The following HRH1 variants were observed in gnomAD, a reference collection of about 807,000 sequenced individuals.
HRH1 encodes histamine receptor H1, also known as histamine H1 receptor.
A neutral mutation model predicts 10.3 loss-of-function variants in HRH1; 6 were observed. The ratio of observed to expected loss-of-function variants is 0.58; its 90% CI spans 0.32 to 1.15. HRH1 has a LOEUF of 1.15. Ranked by LOEUF, HRH1 falls within the 50% of genes most tolerant of loss-of-function variation. The pLI, the probability that HRH1 is intolerant of heterozygous loss-of-function variation, is 0.05. For missense variants in HRH1, 514 were observed against 615.3 expected (o/e 0.84, Z 1.74); for synonymous variants, 242 against 236.7 (o/e 1.02, Z -0.21).
intron 1 of HRH1, among the ~76,000 whole-genome samples, chr3:11,189,623 T>TAA (rs1279086133): frequency 6.6e-6 from 1 of 152,086 alleles, no homozygotes; most frequent in African/African-American, 2.4e-5. Context: ...AACACACACA[T>TAA]ACACTTCTTT....
chr3:11,211,636 A>G (rs1938330273), intron 1 of HRH1, among the ~76,000 whole-genome samples: 1 of 152,238 alleles, frequency 6.6e-6, no homozygotes, highest in African/African-American at 2.4e-5. Context: ...AATGCTCGGC[A>G]GAGTCCAGAA....
At chr3:11,246,628 C>G (rs1939497422) in intron 1 of HRH1, among the ~76,000 whole-genome samples, 1 of 152,224 alleles carries the variant, frequency 6.6e-6, no homozygotes, top group Non-Finnish European at 1.5e-5. Context: ...ACATTGCAGA[C>G]ATTGTTAGAT....
chr3:11,200,889 A>G (rs1306407789), intron 1 of HRH1, among the ~76,000 whole-genome samples: 1 of 152,196 alleles, frequency 6.6e-6, no homozygotes, highest in Non-Finnish European at 1.5e-5. Flanking sequence ...ATCATTTTAT[A>G]GTAATGGCCT....
At chr3:11,218,575 CATTT>C (rs1396865672) in intron 1 of HRH1, among the ~76,000 whole-genome samples, 1 of 152,042 alleles carries the variant, frequency 6.6e-6, no homozygotes, top group Admixed American at 6.6e-5. Context: ...TTCTCTTTCT[CATTT>C]ATTTATTTAT....
In HRH1 at chr3:11,240,113, C is replaced by G. The variant is rs1553580688; in HGVS notation, c.-35-18890C>G. ...ATAACTGTGGCTGCCAGAGCCCACC[C>G]TAGGTGAAATGATGGTTCTCAGAGA... On this transcript the variant is annotated intron_variant, in intron 1 of 1. Coordinates refer to ENST00000431010, the MANE Select transcript of HRH1 (RefSeq NM_001098212.2). Among the ~76,000 whole-genome samples the G allele has an allele frequency of 2.0e-5, 3 of 151,952 alleles. No homozygotes were observed. In the South Asian group the frequency reaches 6.2e-4, roughly 32 times the overall value.
At chr3:11,160,003 T>G (rs1255223993) in intron 1 of HRH1, among the ~76,000 whole-genome samples, 1 of 152,210 alleles carries the variant, frequency 6.6e-6, no homozygotes, top group Non-Finnish European at 1.5e-5. Context: ...GACATCCAGA[T>G]GAAGGGGACT....
At chr3:11,150,926 C>T (rs1307266286), upstream of HRH1, among the ~76,000 whole-genome samples, 1 of 152,226 alleles carries the variant, frequency 6.6e-6, no homozygotes, top group African/African-American at 2.4e-5. Flanking sequence ...TTATCTAATC[C>T]TGACAACAGC....
intron 1 of HRH1, among the ~76,000 whole-genome samples, chr3:11,245,088 A>G (rs1381934905): frequency 6.6e-6 from 1 of 152,072 alleles, no homozygotes; most frequent in Non-Finnish European, 1.5e-5. Context: ...TGTGGTGGCT[A>G]ATGCCTGTAA....
At chr3:11,178,833 C>T (rs929523179) in intron 1 of HRH1, among the ~76,000 whole-genome samples, 3 of 152,244 alleles carry the variant, frequency 2.0e-5, no homozygotes, top group Admixed American at 6.5e-5. Flanking sequence ...TGAGCTAAGA[C>T]GGTGACTTGG....
intron 1 of HRH1, among the ~76,000 whole-genome samples, chr3:11,186,261 A>T (rs1024546480): frequency 6.6e-6 from 1 of 152,210 alleles, no homozygotes; most frequent in Non-Finnish European, 1.5e-5. Context: ...AGCAGCTGTC[A>T]TAAAGCTATG....
rs1363789943 is a variant in HRH1 at position 11,169,246 on chromosome 3, G to A, written c.-36+14692G>A. The stretch of plus-strand genomic sequence containing the variant: ...GGGGGTGAGGAGTAAGGGAGGTGAC[G>A]GATGTAGCGTCAGACAGAACCCATA... On this transcript the variant is annotated intron_variant, in intron 1 of 1. Coordinates refer to ENST00000431010, the MANE Select transcript of HRH1 (RefSeq NM_001098212.2). 3.9e-5 allele frequency among the ~76,000 whole-genome samples: 6 copies of A among 152,246 alleles called. No individual in the cohort carries two copies. The East Asian group carries it at 7.7e-4, about 20-fold the overall frequency.
chr3:11,150,488 C>G (rs1936581079), upstream of HRH1, among the ~76,000 whole-genome samples: 1 of 152,268 alleles, frequency 6.6e-6, no homozygotes, highest in Non-Finnish European at 1.5e-5. Context: ...GGACCGGGCT[C>G]CCTGCCCGGA....
intron 1 of HRH1, among the ~76,000 whole-genome samples, chr3:11,202,222 G>A (rs544840351): frequency 6.6e-6 from 1 of 152,158 alleles, no homozygotes; most frequent in South Asian, 2.1e-4. Context: ...TGGCCAACAT[G>A]GCGAAACCCT....
At chr3:11,202,328 C>A (rs1159827421) in intron 1 of HRH1, among the ~76,000 whole-genome samples, 5 of 151,510 alleles carry the variant, frequency 3.3e-5, no homozygotes, top group African/African-American at 1.2e-4. Context: ...TCACTTGAAC[C>A]CAAGAGGCAG....
chr3:11,146,942 T>C (rs1441380016), intron 1 of HRH1, among the ~76,000 whole-genome samples: 2 of 152,108 alleles, frequency 1.3e-5, no homozygotes, highest in African/African-American at 4.8e-5. Context: ...CCTCCTCAGA[T>C]AGGAATGAAG....
chr3:11,253,809 A>G (rs1196566451), intron 1 of HRH1, among the ~76,000 whole-genome samples: 2 of 152,162 alleles, frequency 1.3e-5, no homozygotes, highest in African/African-American at 4.8e-5. Context: ...TCCTGAGAAT[A>G]AGATGTCTAA....
intron 1 of HRH1, among the ~76,000 whole-genome samples, chr3:11,251,627 T>C (rs1486248687): frequency 6.6e-6 from 1 of 152,156 alleles, no homozygotes; most frequent in African/African-American, 2.4e-5. Flanking sequence ...CAAGTTCTTC[T>C]GGTCTGGGGC....
chr3:11,200,388 G>A (rs1375333016), intron 1 of HRH1, among the ~76,000 whole-genome samples: 1 of 152,178 alleles, frequency 6.6e-6, no homozygotes, highest in East Asian at 1.9e-4. Context: ...GCCATAGAGA[G>A]ACCATATGGT....
intron 1 of HRH1, among the ~76,000 whole-genome samples, chr3:11,184,755 A>G (rs1216801166): frequency 6.6e-6 from 1 of 151,978 alleles, no homozygotes; most frequent in African/African-American, 2.4e-5. Context: ...GTCTCTACTA[A>G]AAATACTAAA....
Sources: allele counts gnomAD v4.1 joint callset (sites outside exome capture counted in the v4.1 genomes callset), GRCh38; gene constraint gnomAD v4.1.1; transcripts MANE v1.5; gene names NCBI Gene and HGNC (gene_info 2026-07-23, HGNC 2026-07-21).